The following STAU1 variants were observed in gnomAD, a reference collection of about 807,000 sequenced individuals.
STAU1 encodes the protein double-stranded RNA-binding protein Staufen homolog 1.
A neutral mutation model predicts 62.9 loss-of-function variants in STAU1; 13 were observed. The observed-to-expected ratio is 0.21, with a 90% CI of 0.13 to 0.33. The LOEUF is 0.33. Ranked by LOEUF, STAU1 falls within the 10% of genes least tolerant of loss-of-function variation. The pLI is 1.00. For missense variants in STAU1, 571 were observed against 712.1 expected (o/e 0.80, Z 2.25); for synonymous variants, 269 against 265.1 (o/e 1.01, Z -0.14).
intron 3 of STAU1, among the ~76,000 whole-genome samples, chr20:49,155,547 A>G (rs1286430063): frequency 6.6e-6 from 1 of 152,204 alleles, no homozygotes; most frequent in East Asian, 1.9e-4. Context: ...ATGCACATAA[A>G]AATCCACTTT....
At chr20:49,200,525 T>C in the STAU1 span, among the ~76,000 whole-genome samples, 9 of 151,236 alleles carry the variant, frequency 6.0e-5, no homozygotes, top group Non-Finnish European at 8.9e-5. Flanking sequence ...GGCATGAACC[T>C]GGGAGGCGGA....
upstream of STAU1, among the ~76,000 whole-genome samples, chr20:49,192,438 A>G (rs1469371508): frequency 6.6e-6 from 1 of 152,168 alleles, no homozygotes; most frequent in Non-Finnish European, 1.5e-5. Flanking sequence ...CCTAGAAATA[A>G]ACTTTACAAG....
At chr20:49,194,828 C>T in the STAU1 span, among the ~76,000 whole-genome samples, 5 of 152,078 alleles carry the variant, frequency 3.3e-5, no homozygotes, top group Admixed American at 3.3e-4. Context: ...ATCCACCCAC[C>T]TCAGCCTCCC....
chr20:49,173,413 TG>T (rs1307418358), intron 2 of STAU1, among the ~76,000 whole-genome samples: 19 of 152,122 alleles, frequency 1.2e-4, no homozygotes, highest in Non-Finnish European at 2.8e-4. Flanking sequence ...ATGGCGCCAT[TG>T]CACTCCAACC....
chr20:49,140,894 A>G (rs2092991726), intron 5 of STAU1, among the ~76,000 whole-genome samples: 1 of 152,034 alleles, frequency 6.6e-6, no homozygotes, highest in African/African-American at 2.4e-5. Flanking sequence ...CTAACCCCAG[A>G]TTAACTCATT....
At chr20:49,134,450 GCT>G in intron 6 of STAU1, 1 of 493,840 alleles carries the variant, frequency 2.0e-6, no homozygotes, top group Non-Finnish European at 3.5e-6. Context: ...AAAAAAAAAA[GCT>G]CTGGGTTGAA....
chr20:49,124,520 A>C lies in STAU1; in HGVS notation c.677T>G (p.Val226Gly). ...FVTKVSVGEF[V>G]GEGEGKSKKI... The stretch of plus-strand genomic sequence containing the variant: ...CTTGCTTTTCCCTTCACCTTCCCCC[A>C]CAAACTCCCCAACCGAAACCTTGGT... The change falls in exon 7 of 14, where the codon GTG (valine) becomes GGG (glycine). Residue 226 changes from valine (V) to glycine (G), a missense_variant. Around this residue, in one of 3 missense-constraint regions of STAU1, gnomAD observed 414 missense variants for 499.6 expected, o/e 0.83. Transcript: ENST00000371856. 1 of 1,613,926 alleles carries C rather than the reference A, an allele frequency of 6.2e-7. No individual in the cohort carries two copies. Among genetic ancestry groups the C allele is most frequent in the Non-Finnish European group, 8.5e-7 (1 of 1,179,982 alleles).
the STAU1 span, among the ~76,000 whole-genome samples, chr20:49,208,720 C>T: frequency 2.7e-5 from 4 of 149,746 alleles, no homozygotes; most frequent in African/African-American, 4.9e-5. Flanking sequence ...CCTGGGTTCA[C>T]GCCATTCTCC....
At chr20:49,127,089 T>A (rs1260818514) in intron 6 of STAU1, among the ~76,000 whole-genome samples, 1 of 152,178 alleles carries the variant, frequency 6.6e-6, no homozygotes, top group Admixed American at 6.5e-5. Flanking sequence ...GCGCGGTGGC[T>A]CACGCCTGTA....
chr20:49,156,904 G>A (rs1012810039), intron 3 of STAU1, among the ~76,000 whole-genome samples: 1 of 149,136 alleles, frequency 6.7e-6, no homozygotes, highest in Non-Finnish European at 1.5e-5. Context: ...AAGAGACACA[G>A]TCTCACTCTG....
upstream of STAU1, chr20:49,188,477 G>T (rs1363608889): frequency 6.6e-6 from 1 of 151,318 alleles, no homozygotes; most frequent in African/African-American, 2.4e-5. Flanking sequence ...GCACTGCGGC[G>T]GAGCCTGCGC....
chr20:49,210,619 CTTACA>C, the STAU1 span: 1 of 414,714 alleles, frequency 2.4e-6, no homozygotes, highest in Non-Finnish European at 4.8e-6. Context: ...GGACTTGGCA[CTTACA>C]CTTTGCATAT....
upstream of STAU1, among the ~76,000 whole-genome samples, chr20:49,190,713 A>G (rs989663418): frequency 6.6e-6 from 1 of 152,122 alleles, no homozygotes. Flanking sequence ...GAGTCTTGCT[A>G]AGTAATTAAG....
chr20:49,145,682 A>C (rs1407339392), intron 5 of STAU1, among the ~76,000 whole-genome samples: 1 of 151,868 alleles, frequency 6.6e-6, no homozygotes, highest in African/African-American at 2.4e-5. Context: ...GTGAGCCGAG[A>C]TCGCACCACT....
At chr20:49,199,252 G>A in the STAU1 span, among the ~76,000 whole-genome samples, 1 of 151,864 alleles carries the variant, frequency 6.6e-6, no homozygotes. Context: ...TTTATTTTGA[G>A]ATGGAGTCTC....
chr20:49,115,991 G>A, intron 12 of STAU1, 124 bp from the exon 13 acceptor site: 79 of 656,078 alleles, frequency 1.2e-4, no homozygotes, highest in Middle Eastern at 2.9e-4. Flanking sequence ...CTTCAACTCT[G>A]GTACTACTAA....
upstream of STAU1, among the ~76,000 whole-genome samples, chr20:49,191,424 A>T (rs1279194477): frequency 6.6e-6 from 1 of 152,110 alleles, no homozygotes; most frequent in African/African-American, 2.4e-5. Context: ...GAACTAAGTG[A>T]TCAACTTCCA....
At chr20:49,186,282 G>C (rs183236273) in intron 1 of STAU1, among the ~76,000 whole-genome samples, 1 of 151,648 alleles carries the variant, frequency 6.6e-6, no homozygotes, top group Non-Finnish European at 1.5e-5. Context: ...GGTGGCAGAG[G>C]TTGAAATGAG....
intron 1 of STAU1, among the ~76,000 whole-genome samples, chr20:49,175,113 G>A (rs150964149): frequency 0.012 from 1,829 of 151,154 alleles, 37 homozygotes; most frequent in African/African-American, 0.041. Flanking sequence ...TCAGGATCGC[G>A]CCACTGCACT....
Sources: allele counts gnomAD v4.1 joint callset (sites outside exome capture counted in the v4.1 genomes callset), GRCh38; gene constraint gnomAD v4.1.1; regional missense constraint gnomAD v4.1.1; transcripts MANE v1.5; gene names NCBI Gene and HGNC (gene_info 2026-07-23, HGNC 2026-07-21).